Variants in FAM135A observed in about 807,000 individuals in gnomAD.
The protein encoded by FAM135A is family with sequence similarity 135 member A.
A neutral mutation model predicts 146.8 loss-of-function variants in FAM135A; 79 were observed. That is an observed-to-expected ratio of 0.54 (90% CI 0.45 to 0.65). The LOEUF (loss-of-function observed/expected upper bound fraction) is 0.65. Ranked by LOEUF, FAM135A falls within the 30% of genes least tolerant of loss-of-function variation. FAM135A has a pLI of 0.00. For synonymous variants in FAM135A, 562 were observed against 603.6 expected, an observed-to-expected ratio of 0.93 and a Z score of 1.01; for missense variants, 1,623 against 1,758.2, an observed-to-expected ratio of 0.92 and a Z score of 1.38.
At position 70,526,047 on chromosome 6, in the gene FAM135A, C is replaced by T. The variant is rs773153130; in HGVS notation, c.2963C>T (p.Thr988Ile). 12 of 1,611,890 alleles carry T rather than the reference C, an allele frequency of 7.4e-6. No homozygotes were observed. In the Admixed American group the frequency reaches 1.8e-4, roughly 25 times the overall value. ...ATTTCAGGTTCCATTTCTAGTAATACAGATGTTAGTGAAGATAGAACTATG... is the reference window on the plus strand; with the variant it reads ...ATTTCAGGTTCCATTTCTAGTAATATAGATGTTAGTGAAGATAGAACTATG... The part of the protein sequence containing the change: ...CVISGSISSN[T>I]DVSEDRTMKK... Residue 988 changes from threonine (T) to isoleucine (I), a missense_variant, in exon 15 of 22, where the codon ACA becomes ATA. Coordinates refer to ENST00000418814, the MANE Select transcript of FAM135A (RefSeq NM_001162529.3).
rs759743913 is a variant in FAM135A, at chr6:70,526,084, T to C, written c.3000T>C (p.Ser1000=). The C allele has an allele frequency of 6.2e-7, 1 of 1,613,012 alleles. No individual in the cohort carries two copies. Among genetic ancestry groups the C allele is most frequent in the East Asian group, 2.2e-5 (1 of 44,858 alleles). ...AAGATAGAACTATGAAAAAAAATAG[T>C]GATGTATTAAATCTCACACAGATGT... ...VSEDRTMKKN[S]DVLNLTQMYS... Residue 1000 remains serine, a synonymous_variant, in exon 15 of 22, where the codon AGT becomes AGC. Coordinates refer to ENST00000418814, the MANE Select transcript of FAM135A (RefSeq NM_001162529.3).
Position 70,473,980 on chromosome 6 carries a change from C to T in FAM135A, c.158-1430C>T, listed in dbSNP as rs762706917. 5.3e-5 allele frequency among the ~76,000 whole-genome samples: 8 copies of T among 152,274 alleles called. No homozygotes were observed. In the Middle Eastern group the frequency reaches 0.01, roughly 194 times the overall value. On this transcript the variant is annotated intron_variant, in intron 5 of 21. Coordinates refer to ENST00000418814, the MANE Select transcript of FAM135A (RefSeq NM_001162529.3). Reference sequence around the variant, plus strand: ...TTGCCCTGTTCATCCTGCTTGGGCTCCCAATACCTTACTCAAAGTCACCGC... The same window carrying T: ...TTGCCCTGTTCATCCTGCTTGGGCTTCCAATACCTTACTCAAAGTCACCGC...
At chr6:70,435,227 C>T (rs1372853672) in intron 4 of FAM135A, among the ~76,000 whole-genome samples, 1 of 151,256 alleles carries the variant, frequency 6.6e-6, no homozygotes, top group Non-Finnish European at 1.5e-5. Flanking sequence ...GTCTCAGCCT[C>T]CTGAATAGCT....
chr6:70,477,024 T>C, intron 7 of FAM135A, 135 bp from the exon 8 acceptor site: 3 of 852,654 alleles, frequency 3.5e-6, no homozygotes, highest in Non-Finnish European at 5.2e-6. Flanking sequence ...GCAACTTTGA[T>C]GCTTTAAAAA....
chr6:70,426,150 A>C (rs1414389898), intron 2 of FAM135A, among the ~76,000 whole-genome samples: 1 of 151,900 alleles, frequency 6.6e-6, no homozygotes, highest in Non-Finnish European at 1.5e-5. Context: ...TAATGAGCTT[A>C]TAATGTTTTG....
chr6:70,486,651 G>T (rs111850546), intron 10 of FAM135A, among the ~76,000 whole-genome samples: 55 of 152,230 alleles, frequency 3.6e-4, no homozygotes, highest in Middle Eastern at 3.4e-3. Flanking sequence ...AAACCAGGCC[G>T]GGTGCGGTGA....
At chr6:70,484,727 A>G (rs547486361) in intron 10 of FAM135A, among the ~76,000 whole-genome samples, 53 of 152,374 alleles carry the variant, frequency 3.5e-4, no homozygotes, top group Admixed American at 1.3e-3. Context: ...GGCAGAGCTC[A>G]GGAAGCAGTG....
At chr6:70,457,813 A>G (rs1300670175) in intron 5 of FAM135A, among the ~76,000 whole-genome samples, 1 of 152,188 alleles carries the variant, frequency 6.6e-6, no homozygotes, top group Non-Finnish European at 1.5e-5. Context: ...TTGACATGAC[A>G]AACTGTGTCA....
intron 20 of FAM135A, among the ~76,000 whole-genome samples, chr6:70,554,652 G>T (rs527244375): frequency 2.0e-5 from 3 of 151,992 alleles, no homozygotes; most frequent in Non-Finnish European, 4.4e-5. Flanking sequence ...TTTTTGAGAC[G>T]GAGTCTCTTT....
intron 20 of FAM135A, among the ~76,000 whole-genome samples, chr6:70,556,079 T>C (rs761228351): frequency 6.6e-6 from 1 of 151,894 alleles, no homozygotes; most frequent in Non-Finnish European, 1.5e-5. Context: ...TGAAACCCCA[T>C]CTCTACTGAA....
chr6:70,552,143 A>G (rs1006214248), intron 20 of FAM135A, among the ~76,000 whole-genome samples: 4 of 152,224 alleles, frequency 2.6e-5, no homozygotes, highest in South Asian at 2.1e-4. Flanking sequence ...TAAGTGTACA[A>G]TCTTCTGGAG....
intron 2 of FAM135A, among the ~76,000 whole-genome samples, chr6:70,420,637 A>G (rs1051825349): frequency 6.6e-5 from 10 of 152,214 alleles, no homozygotes; most frequent in African/African-American, 2.4e-4. Context: ...GTATTCCTAG[A>G]CTATGCTATC....
intron 7 of FAM135A, among the ~76,000 whole-genome samples, chr6:70,476,160 A>G (rs903356171): frequency 6.6e-6 from 1 of 152,164 alleles, no homozygotes; most frequent in African/African-American, 2.4e-5. Flanking sequence ...GTTCTAGTTC[A>G]TTAATTTCCA....
chr6:70,436,184 C>CAAAAAA (rs34761222), intron 4 of FAM135A, among the ~76,000 whole-genome samples: 1 of 64,036 alleles, frequency 1.6e-5, no homozygotes, highest in African/African-American at 6.4e-5. Context: ...GATTCTGTCT[C>CAAAAAA]AAAAAAAAAA....
intron 19 of FAM135A, among the ~76,000 whole-genome samples, chr6:70,538,068 CT>C (rs1797109772): frequency 6.6e-6 from 1 of 152,162 alleles, no homozygotes; most frequent in African/African-American, 2.4e-5. Context: ...AAATAGCAAG[CT>C]GTCCATCAAC....
Position 70,413,644 on chromosome 6 carries a change from A to C in FAM135A, c.-278A>C, listed in dbSNP as rs559500114. On this transcript the variant is annotated 5_prime_UTR_variant, in exon 1 of 22. Transcript: ENST00000418814. ...GACCCGGGTCGGGCCGTCTTCTTGC[A>C]GCTGGACAACGAGCTCCTCCGTTCG... 4.5e-4 allele frequency: 114 copies of C among 253,902 alleles called. No individual in the cohort carries two copies. Among genetic ancestry groups the C allele is most frequent in the Non-Finnish European group, 4.5e-4 (73 of 160,556 alleles). The allele number at this position is 253,902 out of a possible 1,614,324, so 15.7% of individuals were successfully genotyped here.
chr6:70,436,992 A>G (rs1455136553), intron 4 of FAM135A, among the ~76,000 whole-genome samples: 1 of 152,208 alleles, frequency 6.6e-6, no homozygotes, highest in African/African-American at 2.4e-5. Flanking sequence ...TATGAAAATC[A>G]AAACATAAAT....
At chr6:70,523,897 G>A (rs1388887865) in intron 13 of FAM135A, 70 bp from the exon 14 acceptor site, 1 of 1,483,990 alleles carries the variant, frequency 6.7e-7, no homozygotes, top group African/African-American at 1.4e-5. Context: ...AGGGGAAAGG[G>A]TAGATTCTAC....
At chr6:70,553,946 G>T (rs765898050) in intron 20 of FAM135A, among the ~76,000 whole-genome samples, 1 of 152,056 alleles carries the variant, frequency 6.6e-6, no homozygotes, top group African/African-American at 2.4e-5. Context: ...TTTCTCATTG[G>T]ACTAGAATAA....
Sources: allele counts gnomAD v4.1 joint callset (sites outside exome capture counted in the v4.1 genomes callset), GRCh38; gene constraint gnomAD v4.1.1; transcripts MANE v1.5; gene names NCBI Gene and HGNC (gene_info 2026-07-23, HGNC 2026-07-21).